RSBN1: variants seen among roughly 807,000 people sequenced by gnomAD.
RSBN1 encodes round spermatid basic protein 1.
In RSBN1, 23 loss-of-function variants were observed where a neutral mutation model predicts 74.8. That is an observed-to-expected ratio of 0.31 (90% CI 0.22 to 0.44). The LOEUF (loss-of-function observed/expected upper bound fraction) is 0.44, where lower values mean the gene tolerates loss of function less well. Among genes scored for constraint, RSBN1 ranks in the 20% least tolerant of loss-of-function variants. The pLI is 1.00. For synonymous variants in RSBN1, 407 were observed against 379.6 expected (o/e 1.07, Z -0.84); for missense variants, 808 against 1,020.9 (o/e 0.79, Z 2.84).
chr1:113,788,285 A>G (rs1055634270), intron 2 of RSBN1, among the ~76,000 whole-genome samples: 3 of 152,112 alleles, frequency 2.0e-5, no homozygotes, highest in Non-Finnish European at 4.4e-5. Context: ...ACGATAACTG[A>G]GAAAGAAAAT....
At chr1:113,793,944 G>C (rs1558001561) in intron 2 of RSBN1, among the ~76,000 whole-genome samples, 1 of 152,160 alleles carries the variant, frequency 6.6e-6, no homozygotes, top group African/African-American at 2.4e-5. Flanking sequence ...TGGGATTACA[G>C]ATGTGAGACA....
chr1:113,769,417 A>T (rs1011128141), intron 4 of RSBN1, among the ~76,000 whole-genome samples: 1 of 152,098 alleles, frequency 6.6e-6, no homozygotes, highest in Non-Finnish European at 1.5e-5. Context: ...ATGAAAGTAA[A>T]AGTCTTCAAA....
intron 2 of RSBN1, among the ~76,000 whole-genome samples, chr1:113,794,243 A>G (rs970544932): frequency 7.9e-5 from 12 of 152,142 alleles, no homozygotes; most frequent in Non-Finnish European, 1.8e-4. Context: ...AGCATTTATG[A>G]CATGGTTACT....
At position 113,766,406 on chromosome 1, in the gene RSBN1, T is replaced by C. The variant is rs773470893; in HGVS notation, c.1983A>G (p.Glu661=). The C allele has an allele frequency of 1.2e-6, 2 of 1,613,934 alleles. No individual in the cohort carries two copies. Among genetic ancestry groups the C allele is most frequent in the Admixed American group, 3.3e-5 (2 of 60,014 alleles). The change falls in exon 7 of 7, where the codon GAA becomes GAG. Residue 661 remains glutamate (E), a synonymous_variant. Transcript: ENST00000261441. ...DEAKLNQMRR[E]GIRYARIQLC... ...GCTGAATTCTAGCATAACGAATGCC[T>C]TCCCGCCTCATTTGGTTTAGTTTAG...
At chr1:113,778,965 C>T (rs1272439766) in intron 2 of RSBN1, among the ~76,000 whole-genome samples, 1 of 152,110 alleles carries the variant, frequency 6.6e-6, no homozygotes, top group African/African-American at 2.4e-5. Context: ...CATGTATGTT[C>T]TTATCTTATG....
rs148346013 is a variant in RSBN1 at position 113,762,423 on chromosome 1, T to G, written c.*3557A>C. The G allele has an allele frequency of 6.6e-6, 1 of 152,630 alleles. No individual in the cohort carries two copies. The highest frequency in any genetic ancestry group is 1.9e-4 in the East Asian group (1 of 5,330). The allele number at this position is 152,630 out of a possible 1,614,324, so 9.5% of individuals were successfully genotyped here. A position where few individuals can be genotyped will look rare whatever the true frequency, so the allele number is the denominator to read the frequency against. ...ACGTGCTAAAGAAAAACATTTGTACTGTGCATTTCCTCTACTTGCATGGCC... is the reference window on the plus strand; with the variant it reads ...ACGTGCTAAAGAAAAACATTTGTACGGTGCATTTCCTCTACTTGCATGGCC... On this transcript the variant is annotated 3_prime_UTR_variant, in exon 7 of 7. Transcript: ENST00000261441.
chr1:113,799,090 G>A (rs1183436575), intron 1 of RSBN1, among the ~76,000 whole-genome samples: 2 of 152,108 alleles, frequency 1.3e-5, no homozygotes, highest in Non-Finnish European at 2.9e-5. Flanking sequence ...TCTCTCCTGA[G>A]CACTTAACAC....
At chr1:113,800,065 T>C (rs1440099976) in intron 1 of RSBN1, among the ~76,000 whole-genome samples, 6 of 152,206 alleles carry the variant, frequency 3.9e-5, no homozygotes, top group Admixed American at 2.0e-4. Flanking sequence ...TATGTAAATA[T>C]ATGACAGTTC....
intron 4 of RSBN1, among the ~76,000 whole-genome samples, chr1:113,770,513 C>T (rs1040142813): frequency 6.6e-6 from 1 of 152,136 alleles, no homozygotes; most frequent in Admixed American, 6.5e-5. Context: ...GATAAACTTT[C>T]AGCCAGAAAA....
At chr1:113,792,118 C>A (rs1660378790) in intron 2 of RSBN1, among the ~76,000 whole-genome samples, 1 of 152,098 alleles carries the variant, frequency 6.6e-6, no homozygotes, top group Non-Finnish European at 1.5e-5. Flanking sequence ...AGCTTTGATT[C>A]TCAGTGAAAC....
At chr1:113,794,481 C>T (rs1660431647) in intron 2 of RSBN1, among the ~76,000 whole-genome samples, 1 of 152,188 alleles carries the variant, frequency 6.6e-6, no homozygotes, top group African/African-American at 2.4e-5. Context: ...CTGGTCTCAA[C>T]TCCTTCCATC....
At chr1:113,809,414 C>G (rs762891113) in intron 1 of RSBN1, among the ~76,000 whole-genome samples, 2 of 152,180 alleles carry the variant, frequency 1.3e-5, no homozygotes, top group African/African-American at 2.4e-5. Context: ...AGGCATGCCT[C>G]CTGCATACCA....
Position 113,764,595 on chromosome 1 carries a change from A to G in RSBN1, c.*1385T>C, listed in dbSNP as rs768498965. 3.3e-5 allele frequency: 5 copies of G among 151,760 alleles called. No homozygotes were observed. Among genetic ancestry groups the G allele is most frequent in the Non-Finnish European group, 5.9e-5 (4 of 67,876 alleles). 9.4% of individuals were successfully genotyped at this position (151,760 alleles called of 1,614,324 possible). A position where few individuals can be genotyped will look rare whatever the true frequency, so the allele number is the denominator to read the frequency against. On this transcript the variant is annotated 3_prime_UTR_variant, in exon 7 of 7. Transcript: ENST00000261441. Reference sequence around the variant, plus strand: ...CAGCTAAGTTTTCATGGTGACAGACATAATAAAGCAGCATCTTGTATTTTT... The same window carrying G: ...CAGCTAAGTTTTCATGGTGACAGACGTAATAAAGCAGCATCTTGTATTTTT...
rs181571551 is a variant in RSBN1, at chr1:113,807,088, G to A, written c.703+4622C>T. Among the ~76,000 whole-genome samples the A allele has an allele frequency of 2.8e-4, 42 of 152,072 alleles. 1 individual carries two copies. The highest frequency in any genetic ancestry group is 2.2e-3 in the Admixed American group (34 of 15,282). On this transcript the variant is annotated intron_variant, in intron 1 of 6. Transcript: ENST00000261441. ...AGCACTTTGGGAGACCAAGGCGGGC[G>A]GATCACCTGAGGTCAGGAGTTCAAG...
rs1182293841 is a variant in RSBN1 at position 113,777,238 on chromosome 1, T to C, written c.1630A>G (p.Met544Val). ...CGTCTTTTGAAGGGTGACTTTGGCA[T>C]ATCTGCTGTAGGGATCATCTGTTCT... ...PGEQMIPTAD[M>V]PKSPFKRRRS... The change falls in exon 4 of 7, where the codon ATG (methionine) becomes GTG (valine). Residue 544 changes from methionine to valine, a missense_variant. Transcript: ENST00000261441. 3 of 1,610,054 alleles carry C rather than the reference T, an allele frequency of 1.9e-6. No homozygotes were observed. Among genetic ancestry groups the C allele is most frequent in the Non-Finnish European group, 2.5e-6 (3 of 1,177,706 alleles).
At chr1:113,782,429 C>A (rs1235484098) in intron 2 of RSBN1, among the ~76,000 whole-genome samples, 1 of 152,002 alleles carries the variant, frequency 6.6e-6, no homozygotes, top group Non-Finnish European at 1.5e-5. Context: ...AAGAACTGCA[C>A]TTAAAGGAAA....
chr1:113,791,620 C>T (rs2101812649), intron 2 of RSBN1, among the ~76,000 whole-genome samples: 1 of 152,184 alleles, frequency 6.6e-6, no homozygotes, highest in East Asian at 1.9e-4. Flanking sequence ...ATCTTCCTAA[C>T]CTTGTGCCTT....
At chr1:113,788,748 C>G (rs560111885) in intron 2 of RSBN1, among the ~76,000 whole-genome samples, 3 of 152,162 alleles carry the variant, frequency 2.0e-5, no homozygotes, top group East Asian at 1.9e-4. Flanking sequence ...GAATGCCAGA[C>G]AGGAGAAAGG....
intron 1 of RSBN1, among the ~76,000 whole-genome samples, chr1:113,799,717 T>C (rs191724404): frequency 1.6e-4 from 24 of 152,320 alleles, no homozygotes; most frequent in Middle Eastern, 6.8e-3. Context: ...TTTCTAATTT[T>C]CTAAAATAAA....
Sources: gnomAD v4.1 joint callset for allele counts (sites outside exome capture counted in the v4.1 genomes callset) on GRCh38, gnomAD v4.1.1 for gene constraint, MANE v1.5 for transcripts, NCBI Gene and HGNC (gene_info 2026-07-23, HGNC 2026-07-21) for gene names.